The following LRBA variants were observed in gnomAD, a reference collection of about 807,000 sequenced individuals.
LRBA encodes LPS responsive beige-like anchor protein, also known as lipopolysaccharide-responsive and beige-like anchor protein.
Under a neutral mutation model 330.0 loss-of-function variants are expected in LRBA, and 176 were observed. That is an observed-to-expected ratio of 0.53 (90% CI 0.47 to 0.60). LRBA has a LOEUF of 0.60. Among genes scored for constraint, LRBA ranks in the 20% least tolerant of loss-of-function variants. The probability of loss-of-function intolerance (pLI) is 0.00; values close to 1 mark genes in which losing one functional copy is unlikely to be tolerated. For synonymous variants in LRBA, 1,230 were observed against 1,193.0 expected, an observed-to-expected ratio of 1.03 and a Z score of -0.64; for missense variants, 3,259 against 3,444.8, an observed-to-expected ratio of 0.95 and a Z score of 1.35.
chr4:150,748,827 G>C (rs1320033479), intron 35 of LRBA, among the ~76,000 whole-genome samples: 2 of 152,122 alleles, frequency 1.3e-5, no homozygotes, highest in African/African-American at 2.4e-5. Context: ...CCTTCCTAGT[G>C]AATGTAATTA....
intron 40 of LRBA, among the ~76,000 whole-genome samples, chr4:150,551,863 C>G (rs759576735): frequency 2.0e-5 from 3 of 152,072 alleles, no homozygotes; most frequent in Non-Finnish European, 2.9e-5. Flanking sequence ...TAATTTCTTA[C>G]ATCATACTTA....
chr4:150,737,482 C>T (rs561126880), intron 35 of LRBA, among the ~76,000 whole-genome samples: 7 of 131,242 alleles, frequency 5.3e-5, no homozygotes, highest in Non-Finnish European at 8.2e-5. Flanking sequence ...AACGAATGAA[C>T]GAACGAAGGA....
chr4:150,584,026 T>G, intron 40 of LRBA: 1 of 1,613,494 alleles, frequency 6.2e-7, no homozygotes, highest in Non-Finnish European at 8.5e-7. Flanking sequence ...CAAGCCCCAT[T>G]CGGCCCTGGA....
intron 14 of LRBA, among the ~76,000 whole-genome samples, 181 bp from the exon 15 acceptor site, chr4:150,897,999 T>C (rs1730294323): frequency 6.6e-6 from 1 of 152,036 alleles, no homozygotes; most frequent in Non-Finnish European, 1.5e-5. Context: ...ATGCACTGTA[T>C]ACACAATATT....
At chr4:150,893,242 A>C in intron 16 of LRBA, 93 bp from the exon 17 acceptor site, 1 of 667,546 alleles carries the variant, frequency 1.5e-6, no homozygotes, top group Non-Finnish European at 2.6e-6. Context: ...TCAACATTAG[A>C]AATATAAGTA....
At chr4:150,416,087 A>G (rs559513865) in intron 46 of LRBA, among the ~76,000 whole-genome samples, 160 of 152,288 alleles carry the variant, frequency 1.1e-3, no homozygotes, top group African/African-American at 3.7e-3. Context: ...CTCACATTTC[A>G]AAACGGTCAA....
At chr4:150,982,347 TG>T (rs1740942765) in intron 2 of LRBA, among the ~76,000 whole-genome samples, 1 of 152,288 alleles carries the variant, frequency 6.6e-6, no homozygotes, top group African/African-American at 2.4e-5. Context: ...ATGTTTTAAA[TG>T]GGCTTTAAAG....
chr4:150,476,899 A>T (rs1756775372), intron 42 of LRBA, among the ~76,000 whole-genome samples: 1 of 152,184 alleles, frequency 6.6e-6, no homozygotes, highest in African/African-American at 2.4e-5. Context: ...AAAACTGATA[A>T]CAGGACTAAT....
At chr4:150,667,151 T>C (rs1049655776) in intron 37 of LRBA, among the ~76,000 whole-genome samples, 1 of 152,212 alleles carries the variant, frequency 6.6e-6, no homozygotes, top group Non-Finnish European at 1.5e-5. Context: ...ATTCAGAGGA[T>C]AGACACTGTG....
At chr4:150,861,197 G>A (rs1336061301) in intron 22 of LRBA, among the ~76,000 whole-genome samples, 1 of 151,650 alleles carries the variant, frequency 6.6e-6, no homozygotes, top group Non-Finnish European at 1.5e-5. Context: ...CAAACTCCTG[G>A]GCTCAAGTGA....
intron 53 of LRBA, among the ~76,000 whole-genome samples, chr4:150,291,247 C>T (rs1048643221): frequency 6.9e-5 from 10 of 144,552 alleles, no homozygotes; most frequent in Non-Finnish European, 1.1e-4. Flanking sequence ...TAAAGAGCTT[C>T]TGCACAGCAA....
intron 47 of LRBA, among the ~76,000 whole-genome samples, chr4:150,354,837 A>G (rs1484254843): frequency 1.3e-5 from 2 of 152,118 alleles, no homozygotes; most frequent in Non-Finnish European, 2.9e-5. Context: ...TGTTCTGCAT[A>G]CAGAATATCA....
intron 40 of LRBA, among the ~76,000 whole-genome samples, chr4:150,535,020 A>G (rs1450068850): frequency 3.3e-5 from 5 of 152,244 alleles, no homozygotes; most frequent in Non-Finnish European, 5.9e-5. Context: ...ATATATAATC[A>G]TTTAAAAATA....
intron 28 of LRBA, among the ~76,000 whole-genome samples, chr4:150,836,061 C>T (rs919709449): frequency 1.5e-4 from 23 of 152,048 alleles, no homozygotes; most frequent in African/African-American, 5.3e-4. Flanking sequence ...GAGACAATCA[C>T]GTAGTTTTTG....
chr4:150,915,410 T>C (rs1158614452), intron 8 of LRBA, among the ~76,000 whole-genome samples, 198 bp downstream of exon 8: 1 of 152,136 alleles, frequency 6.6e-6, no homozygotes, highest in East Asian at 1.9e-4. Context: ...TTTCTACCTA[T>C]ATGGAATGAT....
At chr4:150,499,043 T>G (rs1178334934) in intron 40 of LRBA, among the ~76,000 whole-genome samples, 1 of 152,162 alleles carries the variant, frequency 6.6e-6, no homozygotes, top group Non-Finnish European at 1.5e-5. Flanking sequence ...TTTATGATCT[T>G]AAAATTAGAA....
chr4:150,745,120 A>T (rs900767292), intron 35 of LRBA, among the ~76,000 whole-genome samples: 2 of 152,136 alleles, frequency 1.3e-5, no homozygotes, highest in African/African-American at 4.8e-5. Context: ...TCTGCCAAGA[A>T]ATTTGTGACC....
At chr4:150,485,617 G>C (rs907595488) in intron 42 of LRBA, among the ~76,000 whole-genome samples, 1 of 151,794 alleles carries the variant, frequency 6.6e-6, no homozygotes, top group East Asian at 1.9e-4. Flanking sequence ...GGAGAAGAGA[G>C]GCATCTAAAA....
chr4:151,008,330 C>T (rs373984040), intron 2 of LRBA, among the ~76,000 whole-genome samples: 1 of 152,070 alleles, frequency 6.6e-6, no homozygotes, highest in Non-Finnish European at 1.5e-5. Context: ...ATCCACCTGC[C>T]TCAGCCTCTC....
Sources: allele counts gnomAD v4.1 joint callset (sites outside exome capture counted in the v4.1 genomes callset), GRCh38; gene constraint gnomAD v4.1.1; transcripts MANE v1.5; gene names NCBI Gene and HGNC (gene_info 2026-07-23, HGNC 2026-07-21).